DHRSX: variants seen among roughly 807,000 people sequenced by gnomAD.
DHRSX encodes polyprenol dehydrogenase.
DHRSX carries 31 observed loss-of-function variants against 34.0 expected under a neutral mutation model. The observed-to-expected ratio is 0.91, with a 90% CI of 0.69 to 1.23. The LOEUF is 1.23. Ranked by LOEUF, DHRSX falls within the 50% of genes most tolerant of loss-of-function variation. The pLI is 0.00. For synonymous variants in DHRSX, 201 were observed against 183.8 expected, an observed-to-expected ratio of 1.09 and a Z score of -0.76; for missense variants, 414 against 428.1, an observed-to-expected ratio of 0.97 and a Z score of 0.29.
intron 6 of DHRSX, among the ~76,000 whole-genome samples, chrX:2,236,752 A>C (rs2016024932): frequency 6.6e-6 from 1 of 152,018 alleles, no homozygotes; most frequent in East Asian, 1.9e-4. Context: ...TTTTCAGTGG[A>C]GCATGGGGGA....
chrX:2,252,246 AT>A (rs1267405656), intron 5 of DHRSX, among the ~76,000 whole-genome samples: 24 of 152,136 alleles, frequency 1.6e-4, no homozygotes, highest in Admixed American at 2.6e-4. Context: ...TCAAAAATAA[AT>A]AAATAAAAAG....
intron 1 of DHRSX, among the ~76,000 whole-genome samples, chrX:2,492,101 T>C (rs1326024389): frequency 6.6e-6 from 1 of 152,212 alleles, no homozygotes; most frequent in East Asian, 1.9e-4. Context: ...ATTTCAATGA[T>C]GACTATAGTG....
intron 3 of DHRSX, among the ~76,000 whole-genome samples, chrX:2,367,958 T>A (rs1569494310): frequency 6.6e-6 from 1 of 151,982 alleles, no homozygotes; most frequent in Non-Finnish European, 1.5e-5. Flanking sequence ...AAGAATATTT[T>A]GAGGCCAGGC....
intron 5 of DHRSX, among the ~76,000 whole-genome samples, chrX:2,259,178 C>CA (rs778068858): frequency 4.8e-4 from 73 of 151,936 alleles, no homozygotes; most frequent in African/African-American, 1.7e-3. Flanking sequence ...GAGGCTGAGG[C>CA]AGGAGAATCG....
At chrX:2,232,467 G>A (rs907803310) in intron 6 of DHRSX, among the ~76,000 whole-genome samples, 6 of 152,122 alleles carry the variant, frequency 3.9e-5, no homozygotes, top group Admixed American at 3.9e-4. Flanking sequence ...GGGGTCTGGG[G>A]TCCTCACGCT....
chrX:2,400,594 G>A (rs2043473552), intron 3 of DHRSX, among the ~76,000 whole-genome samples: 1 of 152,186 alleles, frequency 6.6e-6, no homozygotes, highest in South Asian at 2.1e-4. Flanking sequence ...AGACTCAGAA[G>A]ATACCTGTGC....
Position 2,476,702 on chromosome X carries a change from T to C in DHRSX, c.109+24115A>G, listed in dbSNP as rs189434134. On this transcript the variant is annotated intron_variant, in intron 1 of 6. Coordinates refer to ENST00000334651, the MANE Select transcript of DHRSX (RefSeq NM_145177.3). The stretch of plus-strand genomic sequence containing the variant: ...ACATACACCACAGAATACTATGCAT[T>C]CTTGAAAAAGAATGGGATTGACCAG... Among the ~76,000 whole-genome samples the C allele has an allele frequency of 2.2e-3, 337 of 152,228 alleles. 3 individuals are homozygous for C. Among genetic ancestry groups the C allele is most frequent in the African/African-American group, 6.9e-3 (285 of 41,534 alleles).
At chrX:2,241,651 A>G (rs1392430151) in intron 6 of DHRSX, among the ~76,000 whole-genome samples, 1 of 151,912 alleles carries the variant, frequency 6.6e-6, no homozygotes, top group African/African-American at 2.4e-5. Flanking sequence ...GCTCACACCT[A>G]TCATCCCAGC....
At chrX:2,323,687 C>T (rs751798530) in intron 3 of DHRSX, among the ~76,000 whole-genome samples, 1 of 152,212 alleles carries the variant, frequency 6.6e-6, no homozygotes, top group Admixed American at 6.6e-5. Context: ...GAAGATCACT[C>T]GAGCCCGGGA....
At chrX:2,357,169 A>G (rs1167836537) in intron 3 of DHRSX, among the ~76,000 whole-genome samples, 1 of 152,084 alleles carries the variant, frequency 6.6e-6, no homozygotes, top group African/African-American at 2.4e-5. Context: ...GCTTGAACCC[A>G]GGAGGCGGAG....
intron 3 of DHRSX, among the ~76,000 whole-genome samples, chrX:2,342,806 T>G (rs2042657175): frequency 6.6e-6 from 1 of 152,190 alleles, no homozygotes; most frequent in Non-Finnish European, 1.5e-5. Context: ...GCCAATGGAT[T>G]GTTTTTTTCA....
At chrX:2,412,663 G>A (rs186051571) in intron 2 of DHRSX, among the ~76,000 whole-genome samples, 1 of 152,062 alleles carries the variant, frequency 6.6e-6, no homozygotes, top group Admixed American at 6.6e-5. Flanking sequence ...ATTCACAAGA[G>A]CCAAGATATG....
At chrX:2,237,135 G>T (rs998698473) in intron 6 of DHRSX, among the ~76,000 whole-genome samples, 1 of 152,010 alleles carries the variant, frequency 6.6e-6, no homozygotes, top group Non-Finnish European at 1.5e-5. Flanking sequence ...GCAGTGAGCC[G>T]AGATCGCACC....
At chrX:2,489,790 C>T (rs779180740) in intron 1 of DHRSX, 26 of 1,613,424 alleles carry the variant, frequency 1.6e-5, no homozygotes, top group South Asian at 1.3e-4. Flanking sequence ...GCGACAGCAG[C>T]GCCCCCAGCT....
chrX:2,300,196 A>G (rs180939472), intron 3 of DHRSX, among the ~76,000 whole-genome samples: 382 of 152,188 alleles, frequency 2.5e-3, no homozygotes, highest in African/African-American at 8.8e-3. Context: ...TAGTGCCTTC[A>G]TTTTTTCTTT....
intron 3 of DHRSX, among the ~76,000 whole-genome samples, chrX:2,401,391 G>A (rs1417821225): frequency 2.6e-5 from 4 of 152,202 alleles, no homozygotes; most frequent in South Asian, 4.1e-4. Context: ...GATGACAGGC[G>A]TGAGCCATCG....
chrX:2,271,387 C>G (rs2041552339), intron 4 of DHRSX, among the ~76,000 whole-genome samples: 1 of 152,238 alleles, frequency 6.6e-6, no homozygotes, highest in South Asian at 2.1e-4. Context: ...AGAGGCACCA[C>G]CATGCCATTC....
intron 3 of DHRSX, among the ~76,000 whole-genome samples, chrX:2,395,346 G>A (rs760142696): frequency 8.5e-4 from 129 of 152,306 alleles, no homozygotes; most frequent in African/African-American, 3.0e-3. Flanking sequence ...CAGCCAGGGG[G>A]TGGAGGGGCC....
At chrX:2,454,221 T>C (rs1213059066) in intron 1 of DHRSX, among the ~76,000 whole-genome samples, 1 of 152,066 alleles carries the variant, frequency 6.6e-6, no homozygotes, top group South Asian at 2.1e-4. Flanking sequence ...ATTCCAGTTA[T>C]GTGCTCAAGG....
Sources: allele counts gnomAD v4.1 joint callset (sites outside exome capture counted in the v4.1 genomes callset), GRCh38; gene constraint gnomAD v4.1.1; transcripts MANE v1.5; gene names NCBI Gene and HGNC (gene_info 2026-07-23, HGNC 2026-07-21).